Variants in PHLPP1 observed in about 807,000 individuals in gnomAD.
PHLPP1 encodes PH domain leucine-rich repeat-containing protein phosphatase 1.
In PHLPP1, 42 loss-of-function variants were observed where a neutral mutation model predicts 117.2. That is an observed-to-expected ratio of 0.36 (90% CI 0.28 to 0.46). PHLPP1 has a LOEUF of 0.46. PHLPP1 is among the 20% of genes least tolerant of loss of function. The pLI is 1.00. For synonymous variants in PHLPP1, 1,042 were observed against 970.7 expected, an observed-to-expected ratio of 1.07 and a Z score of -1.37; for missense variants, 2,084 against 2,241.9, an observed-to-expected ratio of 0.93 and a Z score of 1.42.
rs758914214 is a variant in PHLPP1, at chr18:62,895,140, C to T, written c.2196C>T (p.Ala732=). The T allele has an allele frequency of 1.3e-5, 21 of 1,613,582 alleles. No individual in the cohort carries two copies. Among genetic ancestry groups the T allele is most frequent in the South Asian group, 1.1e-4 (10 of 91,060 alleles). Reference sequence around the variant, plus strand: ...ATGCCCTGCGATCAGTCCCGGCAGCCGTTGGAGTGATGCACAAGTGTGTAC... The same window carrying T: ...ATGCCCTGCGATCAGTCCCGGCAGCTGTTGGAGTGATGCACAAGTGTGTAC... ...SCNALRSVPA[A]VGVMHNLQTF... is the part of the protein sequence containing the mutation. The change falls in exon 5 of 17, where the codon GCC becomes GCT. Residue 732 remains alanine, a synonymous_variant. Coordinates refer to ENST00000262719, the MANE Select transcript of PHLPP1 (RefSeq NM_194449.4).
chr18:62,925,000 T>C (rs1349688746), intron 10 of PHLPP1, among the ~76,000 whole-genome samples: 2 of 152,034 alleles, frequency 1.3e-5, no homozygotes, highest in Non-Finnish European at 2.9e-5. Context: ...TTGAGGAAGA[T>C]ATTCTAATCT....
rs1047914440 is a variant in PHLPP1 at position 62,905,168 on chromosome 18, G to A, written c.2648-56G>A. Reference sequence around the variant, plus strand: ...TAATGACGTTCCACATACAAAAAGAGTCTCTATGTCATTTGTATAGTAATG... The same window carrying A: ...TAATGACGTTCCACATACAAAAAGAATCTCTATGTCATTTGTATAGTAATG... On this transcript the variant is annotated intron_variant, in intron 7 of 16. Transcript: ENST00000262719. 8.3e-6 allele frequency: 9 copies of A among 1,085,906 alleles called. No individual in the cohort carries two copies. The African/African-American group carries it at 1.1e-4, about 13-fold the overall frequency. 67.3% of individuals were successfully genotyped at this position (1,085,906 alleles called of 1,614,324 possible).
intron 1 of PHLPP1, among the ~76,000 whole-genome samples, chr18:62,809,601 C>T (rs1914053751): frequency 2.6e-5 from 4 of 152,002 alleles, no homozygotes; most frequent in Non-Finnish European, 5.9e-5. Flanking sequence ...ACTCCGGAGC[C>T]TGAGGAGGGA....
chr18:62,765,367 A>G (rs571456146), intron 1 of PHLPP1, among the ~76,000 whole-genome samples: 5 of 152,222 alleles, frequency 3.3e-5, no homozygotes, highest in African/African-American at 7.2e-5. Context: ...GTGGTCTCCA[A>G]AGAGGGGCGC....
At chr18:62,866,334 C>A (rs915669125) in intron 4 of PHLPP1, among the ~76,000 whole-genome samples, 1 of 151,752 alleles carries the variant, frequency 6.6e-6, no homozygotes, top group African/African-American at 2.4e-5. Flanking sequence ...AACCTCCGCC[C>A]CCCAGGTTCA....
At chr18:62,836,879 A>G (rs71352601) in intron 2 of PHLPP1, among the ~76,000 whole-genome samples, 2 of 152,212 alleles carry the variant, frequency 1.3e-5, no homozygotes, top group Admixed American at 6.5e-5. Context: ...ATCGCTTGCA[A>G]TCGGAAGGCG....
rs75712441 is a variant in PHLPP1, at chr18:62,952,626, A to G, written c.3325-6003A>G. On this transcript the variant is annotated intron_variant, in intron 12 of 16. Coordinates refer to ENST00000262719, the MANE Select transcript of PHLPP1 (RefSeq NM_194449.4). ...AATGCACATTTCTCAGTAATTATAT[A>G]CAAATATGATTTTTTTAAAAAAGAG... 5.3e-5 allele frequency among the ~76,000 whole-genome samples: 8 copies of G among 152,294 alleles called. No individual in the cohort carries two copies. In the East Asian group the frequency reaches 1.2e-3, roughly 22 times the overall value.
intron 3 of PHLPP1, among the ~76,000 whole-genome samples, chr18:62,845,868 G>A (rs1051275913): frequency 4.6e-5 from 7 of 151,966 alleles, no homozygotes; most frequent in African/African-American, 1.7e-4. Flanking sequence ...CATTTTTTTG[G>A]ATGAAGAATC....
chr18:62,868,466 C>A (rs1402560575), intron 4 of PHLPP1, among the ~76,000 whole-genome samples: 1 of 151,452 alleles, frequency 6.6e-6, no homozygotes, highest in Non-Finnish European at 1.5e-5. Flanking sequence ...ACTAAAAATA[C>A]AAAAAAATAG....
intron 4 of PHLPP1, among the ~76,000 whole-genome samples, chr18:62,888,619 G>A (rs1244663581): frequency 2.0e-5 from 3 of 152,130 alleles, no homozygotes; most frequent in Non-Finnish European, 2.9e-5. Context: ...GATTGCTGGA[G>A]CCTGGGAAGT....
intron 3 of PHLPP1, chr18:62,839,759 T>A (rs569314488): frequency 6.8e-6 from 1 of 146,572 alleles, no homozygotes; most frequent in South Asian, 2.1e-4. Flanking sequence ...ATATAATATA[T>A]AATTATATAT....
At chr18:62,885,262 G>A (rs891104564) in intron 4 of PHLPP1, among the ~76,000 whole-genome samples, 1 of 152,090 alleles carries the variant, frequency 6.6e-6, no homozygotes, top group South Asian at 2.1e-4. Flanking sequence ...CCTGCCCTTG[G>A]ATAAAAATGG....
chr18:62,741,905 T>C (rs1378770710), intron 1 of PHLPP1, among the ~76,000 whole-genome samples: 2 of 151,624 alleles, frequency 1.3e-5, no homozygotes, highest in Admixed American at 1.3e-4. Context: ...TATCAGGAAA[T>C]TGTAAGGGGC....
Position 62,923,920 on chromosome 18 carries a change from C to T in PHLPP1, c.2960+3806C>T, listed in dbSNP as rs190967109. On this transcript the variant is annotated intron_variant, in intron 10 of 16. Transcript: ENST00000262719. The stretch of plus-strand genomic sequence containing the variant: ...TTCAGTTGTGATTTGTTTTTGTTCA[C>T]ATGGTTCAATGTAGCAGACATCTCA... Among the ~76,000 whole-genome samples, 7 of 152,276 alleles carry T rather than the reference C, an allele frequency of 4.6e-5. No homozygotes were observed. The East Asian group carries it at 1.4e-3, about 29-fold the overall frequency.
intron 15 of PHLPP1, among the ~76,000 whole-genome samples, chr18:62,973,180 C>A (rs1453685081): frequency 2.0e-5 from 3 of 152,180 alleles, no homozygotes; most frequent in Non-Finnish European, 4.4e-5. Context: ...CAGATTTTAG[C>A]CCAAGAGTTA....
At chr18:62,856,215 G>A (rs892354402) in intron 3 of PHLPP1, among the ~76,000 whole-genome samples, 1 of 151,956 alleles carries the variant, frequency 6.6e-6, no homozygotes, top group Non-Finnish European at 1.5e-5. Flanking sequence ...GATATGGAGC[G>A]CCGACCATAT....
intron 3 of PHLPP1, among the ~76,000 whole-genome samples, chr18:62,841,493 C>T (rs951333692): frequency 1.3e-5 from 2 of 151,538 alleles, no homozygotes; most frequent in African/African-American, 2.4e-5. Context: ...CCACCATACC[C>T]GGCTAATTTT....
chr18:62,941,991 A>G, intron 11 of PHLPP1, 73 bp downstream of exon 11: 1 of 1,206,866 alleles, frequency 8.3e-7, no homozygotes, highest in Non-Finnish European at 1.2e-6. Flanking sequence ...TGAAGGCTGA[A>G]ATATTTATTT....
intron 1 of PHLPP1, among the ~76,000 whole-genome samples, chr18:62,750,515 C>T (rs748985115): frequency 3.3e-5 from 5 of 152,158 alleles, no homozygotes; most frequent in East Asian, 1.9e-4. Flanking sequence ...TTCAAAACCC[C>T]GCACTTATAT....
Sources: gnomAD v4.1 joint callset for allele counts (sites outside exome capture counted in the v4.1 genomes callset) on GRCh38, gnomAD v4.1.1 for gene constraint, MANE v1.5 for transcripts, NCBI Gene and HGNC (gene_info 2026-07-23, HGNC 2026-07-21) for gene names.